Variants in FAM171B observed in about 807,000 individuals in gnomAD.
FAM171B encodes family with sequence similarity 171 member B.
A neutral mutation model predicts 75.6 loss-of-function variants in FAM171B; 19 were observed. That is an observed-to-expected ratio of 0.25 (90% CI 0.18 to 0.37). The LOEUF is 0.37. Among genes scored for constraint, FAM171B ranks in the 10% least tolerant of loss-of-function variants. The pLI, the probability that FAM171B is intolerant of heterozygous loss-of-function variation, is 1.00. For missense variants in FAM171B, 848 were observed against 982.4 expected (o/e 0.86, Z 1.83); for synonymous variants, 367 against 361.7 (o/e 1.01, Z -0.17).
chr2:186,761,301 C>T, intron 7 of FAM171B, 65 bp downstream of exon 7: 2 of 1,546,570 alleles, frequency 1.3e-6, no homozygotes, highest in Non-Finnish European at 1.7e-6. Flanking sequence ...ATATTCTGTA[C>T]ATTGAAAAGT....
At chr2:186,729,993 C>G (rs1265329541) in intron 1 of FAM171B, among the ~76,000 whole-genome samples, 2 of 152,020 alleles carry the variant, frequency 1.3e-5, no homozygotes, top group African/African-American at 4.8e-5. Context: ...GTCTCTCTCT[C>G]TCACTCTAGC....
intron 1 of FAM171B, among the ~76,000 whole-genome samples, chr2:186,725,057 T>C (rs1690009964): frequency 6.6e-6 from 1 of 152,192 alleles, no homozygotes; most frequent in Non-Finnish European, 1.5e-5. Context: ...GAATTTTTGC[T>C]GAGTAGGCCA....
chr2:186,727,055 C>T (rs1690044567), intron 1 of FAM171B, among the ~76,000 whole-genome samples: 1 of 152,104 alleles, frequency 6.6e-6, no homozygotes. Flanking sequence ...TGCAACGCCT[C>T]CTCTTCCCTC....
In FAM171B at chr2:186,728,899, A is replaced by G. The variant is rs186044694; in HGVS notation, c.239-11329A>G. Reference sequence around the variant, plus strand: ...ATTGTGATATTTTCAGCCCACCTACATAAAGACGTAAATGTCACCCAAATA... The same window carrying G: ...ATTGTGATATTTTCAGCCCACCTACGTAAAGACGTAAATGTCACCCAAATA... On this transcript the variant is annotated intron_variant, in intron 1 of 7. Coordinates refer to ENST00000304698, the MANE Select transcript of FAM171B (RefSeq NM_177454.4). 1.5e-3 allele frequency among the ~76,000 whole-genome samples: 224 copies of G among 152,316 alleles called. 1 individual carries two copies. Among genetic ancestry groups the G allele is most frequent in the African/African-American group, 5.1e-3 (211 of 41,588 alleles).
Position 186,694,181 on chromosome 2 carries a change from G to C in FAM171B, c.8G>C (p.Arg3Thr). The C allele has an allele frequency of 6.3e-7, 1 of 1,597,968 alleles. No homozygotes were observed. The highest frequency in any genetic ancestry group is 8.5e-7 in the Non-Finnish European group (1 of 1,177,230). ...GCCCTCTGGCTCTAGGCCATGGCGA[G>C]GCTCTGCCGGCGTGTCCCCTGCACC... is the stretch of plus-strand genomic sequence containing the variant. MA[R>T]LCRRVPCTLL... The change falls in exon 1 of 8, where the codon AGG (arginine) becomes ACG (threonine). Residue 3 changes from arginine to threonine, a missense_variant. Coordinates refer to ENST00000304698, the MANE Select transcript of FAM171B (RefSeq NM_177454.4).
chr2:186,708,424 T>C (rs571541061), intron 1 of FAM171B, among the ~76,000 whole-genome samples: 1 of 152,216 alleles, frequency 6.6e-6, no homozygotes, highest in East Asian at 1.9e-4. Flanking sequence ...GTGCCAAATA[T>C]ATAGAAATAA....
At chr2:186,760,997 G>A in intron 6 of FAM171B, 116 bp from the exon 7 acceptor site, 1 of 1,070,694 alleles carries the variant, frequency 9.3e-7, no homozygotes, top group Non-Finnish European at 1.3e-6. Flanking sequence ...GTCATAGGAG[G>A]GGGGCAAACA....
intron 3 of FAM171B, among the ~76,000 whole-genome samples, chr2:186,744,439 T>A (rs1690337732): frequency 6.6e-6 from 1 of 152,222 alleles, no homozygotes; most frequent in African/African-American, 2.4e-5. Context: ...AACTAGGGCT[T>A]GATGAATCTT....
intron 1 of FAM171B, among the ~76,000 whole-genome samples, chr2:186,731,229 A>G (rs1315314091): frequency 1.3e-5 from 2 of 152,242 alleles, no homozygotes; most frequent in East Asian, 3.8e-4. Context: ...AGGAGCAAGC[A>G]ACAGAAACAA....
rs927417119 is a variant in FAM171B, at chr2:186,763,230, A to G, written c.*407A>G. ...TTTAGAAACAAAACTGACTTCAGGC[A>G]TCATATTATTTTAAATGTTACTATT... is the stretch of plus-strand genomic sequence containing the variant. On this transcript the variant is annotated 3_prime_UTR_variant, in exon 8 of 8. Coordinates refer to ENST00000304698, the MANE Select transcript of FAM171B (RefSeq NM_177454.4). 7 of 164,042 alleles carry G rather than the reference A, an allele frequency of 4.3e-5. No individual in the cohort carries two copies. The highest frequency in any genetic ancestry group is 6.4e-3 in the Middle Eastern group (2 of 312). The allele number at this position is 164,042 out of a possible 1,614,324, so 10.2% of individuals were successfully genotyped here. A position where few individuals can be genotyped will look rare whatever the true frequency, so the allele number is the denominator to read the frequency against.
chr2:186,749,453 A>G (rs937142531), intron 4 of FAM171B, among the ~76,000 whole-genome samples: 1 of 152,196 alleles, frequency 6.6e-6, no homozygotes, highest in African/African-American at 2.4e-5. Flanking sequence ...TTTATATAAC[A>G]TTTGATTTGT....
intron 1 of FAM171B, among the ~76,000 whole-genome samples, chr2:186,705,470 T>C (rs1012579896): frequency 6.6e-6 from 1 of 152,022 alleles, no homozygotes; most frequent in Non-Finnish European, 1.5e-5. Context: ...TGTAGGGGGT[T>C]CCTGGGAACC....
Position 186,761,734 on chromosome 2 carries a change from T to C in FAM171B, c.1392T>C (p.Asn464=), listed in dbSNP as rs1690619186. The change falls in exon 8 of 8, where the codon AAT becomes AAC. Residue 464 remains asparagine, a synonymous_variant. Coordinates refer to ENST00000304698, the MANE Select transcript of FAM171B (RefSeq NM_177454.4). ...VKTRDDFKIY[N]EDVSFLSVNQ... is the part of the protein sequence containing the mutation. ...CTCGGGACGATTTTAAAATCTACAA[T>C]GAAGATGTTTCATTTCTATCAGTCA... 6.2e-7 allele frequency: 1 copy of C among 1,613,332 alleles called. No homozygotes were observed. The highest frequency in any genetic ancestry group is 1.7e-5 in the Admixed American group (1 of 59,872).
chr2:186,708,057 A>G (rs989198392), intron 1 of FAM171B, among the ~76,000 whole-genome samples: 4 of 152,082 alleles, frequency 2.6e-5, no homozygotes, highest in Non-Finnish European at 4.4e-5. Flanking sequence ...CTGTATAAAT[A>G]TTTATTGAAT....
rs193240345 is a variant in FAM171B, at chr2:186,746,406, T to G, written c.566-686T>G. On this transcript the variant is annotated intron_variant, in intron 3 of 7. Transcript: ENST00000304698. ...CTGTTGCAAGTTACTGAAAACCCAGTCCTAATCTGGCTTAAGCCCAAAATA... is the reference window on the plus strand; with the variant it reads ...CTGTTGCAAGTTACTGAAAACCCAGGCCTAATCTGGCTTAAGCCCAAAATA... 3.9e-5 allele frequency among the ~76,000 whole-genome samples: 6 copies of G among 152,308 alleles called. No homozygotes were observed. The East Asian group carries it at 9.6e-4, about 24-fold the overall frequency.
At chr2:186,742,852 G>C (rs188103447) in intron 2 of FAM171B, among the ~76,000 whole-genome samples, 1 of 152,100 alleles carries the variant, frequency 6.6e-6, no homozygotes, top group South Asian at 2.1e-4. Context: ...TATCTTTCAG[G>C]TAATCTGCAT....
rs941356522 is a variant in FAM171B at position 186,761,666 on chromosome 2, C to T, written c.1324C>T (p.Pro442Ser). The change falls in exon 8 of 8, where the codon CCA becomes TCA. Residue 442 changes from proline (P) to serine (S), a missense_variant. Coordinates refer to ENST00000304698, the MANE Select transcript of FAM171B (RefSeq NM_177454.4). ...NSSYSPQKKEPSKAETEERVS... is the reference protein window; with the variant it reads ...NSSYSPQKKESSKAETEERVS... ...CTCATATAGTCCTCAGAAAAAGGAA[C>T]CATCAAAGGCAGAAACAGAAGAAAG... 2 of 1,611,334 alleles carry T rather than the reference C, an allele frequency of 1.2e-6. No homozygotes were observed. The highest frequency in any genetic ancestry group is 1.7e-6 in the Non-Finnish European group (2 of 1,179,210).
rs772171485 is a variant in FAM171B, at chr2:186,747,130, T to G, written c.604T>G (p.Leu202Val). 1.9e-6 allele frequency: 3 copies of G among 1,604,584 alleles called. No individual in the cohort carries two copies. The highest frequency in any genetic ancestry group is 1.7e-6 in the Non-Finnish European group (2 of 1,176,360). The change falls in exon 4 of 8, where the codon TTA becomes GTA. Residue 202 changes from leucine to valine, a missense_variant. Transcript: ENST00000304698. The part of the protein sequence containing the change: ...SQPSVQFSKA[L>V]IKLPDNHHIS... Reference sequence around the variant, plus strand: ...ACCAAGTGTTCAGTTTTCAAAAGCCTTAATTAAACTTCCTGACAACCATCA... The same window carrying G: ...ACCAAGTGTTCAGTTTTCAAAAGCCGTAATTAAACTTCCTGACAACCATCA...
intron 1 of FAM171B, among the ~76,000 whole-genome samples, chr2:186,710,554 A>G (rs996779466): frequency 6.6e-6 from 1 of 151,636 alleles, no homozygotes; most frequent in African/African-American, 2.4e-5. Context: ...CTGCTGTTTG[A>G]TTTTTATGGC....
Sources: gnomAD v4.1 joint callset for allele counts (sites outside exome capture counted in the v4.1 genomes callset) on GRCh38, gnomAD v4.1.1 for gene constraint, MANE v1.5 for transcripts, NCBI Gene and HGNC (gene_info 2026-07-23, HGNC 2026-07-21) for gene names.